HSDL2: variants seen among roughly 807,000 people sequenced by gnomAD.
The protein encoded by HSDL2 is hydroxysteroid dehydrogenase-like protein 2.
Under a neutral mutation model 46.3 loss-of-function variants are expected in HSDL2, and 27 were observed. The ratio of observed to expected loss-of-function variants is 0.58; its 90% CI spans 0.43 to 0.80. The LOEUF is 0.80. HSDL2 is among the 30% of genes least tolerant of loss of function. The pLI is 0.00. For missense variants in HSDL2, 451 were observed against 502.7 expected (o/e 0.90, Z 0.98); for synonymous variants, 153 against 163.6 (o/e 0.94, Z 0.50).
intron 2 of HSDL2, among the ~76,000 whole-genome samples, chr9:112,405,150 G>A (rs1466261985): frequency 1.3e-5 from 2 of 152,116 alleles, no homozygotes; most frequent in African/African-American, 2.4e-5. Context: ...TCAGGAGTGC[G>A]AGACCAGCCT....
At chr9:112,467,329 T>G (rs1287445878) in intron 10 of HSDL2, among the ~76,000 whole-genome samples, 1 of 152,076 alleles carries the variant, frequency 6.6e-6, no homozygotes, top group East Asian at 1.9e-4. Context: ...ATTGTAGAAA[T>G]CCTTTTATAT....
intron 6 of HSDL2, among the ~76,000 whole-genome samples, chr9:112,426,390 T>C (rs1024208149): frequency 6.6e-6 from 1 of 152,088 alleles, no homozygotes; most frequent in East Asian, 1.9e-4. Flanking sequence ...CGCCTTTCAC[T>C]ATGCCTGGCT....
rs1337706908 is a variant in HSDL2, at chr9:112,459,574, T to TC, written c.1142dup (p.Gly382ArgfsTer17). On this transcript the variant is annotated frameshift_variant, in exon 10 of 11. Transcript: ENST00000398805. LOFTEE classifies it high-confidence loss of function. ...TACTGATGACTTTGTAAAAATGTTT[T>TC]CAGGTGAGTTTTCCAGTTTATTAGT... is the stretch of plus-strand genomic sequence containing the variant. 4 of 1,613,238 alleles carry TC rather than the reference T, an allele frequency of 2.5e-6. No homozygotes were observed. In the East Asian group the frequency reaches 8.9e-5, roughly 36 times the overall value.
chr9:112,390,980 A>G (rs1301150658), intron 1 of HSDL2, among the ~76,000 whole-genome samples: 1 of 152,092 alleles, frequency 6.6e-6, no homozygotes, highest in African/African-American at 2.4e-5. Context: ...GTTCAAGACC[A>G]GCCTGGCCAA....
At chr9:112,457,569 C>T (rs893834879) in intron 9 of HSDL2, among the ~76,000 whole-genome samples, 1 of 152,088 alleles carries the variant, frequency 6.6e-6, no homozygotes, top group African/African-American at 2.4e-5. Context: ...AGCTTAAGCC[C>T]AGAAGGTCGA....
chr9:112,461,827 CTTCT>C (rs752993653), intron 10 of HSDL2, among the ~76,000 whole-genome samples: 8 of 152,150 alleles, frequency 5.3e-5, no homozygotes, highest in Admixed American at 6.5e-5. Context: ...AATCAAGTGA[CTTCT>C]TTCTTTAATT....
At chr9:112,400,619 C>CA (rs1564107745) in intron 1 of HSDL2, among the ~76,000 whole-genome samples, 2 of 152,168 alleles carry the variant, frequency 1.3e-5, no homozygotes. Context: ...CAAAACAAAA[C>CA]AAACAGAACC....
intron 1 of HSDL2, among the ~76,000 whole-genome samples, chr9:112,385,762 G>A (rs973325566): frequency 5.3e-5 from 8 of 149,548 alleles, no homozygotes; most frequent in East Asian, 4.0e-4. Flanking sequence ...CAAAGTGCTC[G>A]GATTACAGGC....
At chr9:112,455,184 G>C (rs562433943) in intron 9 of HSDL2, among the ~76,000 whole-genome samples, 9 of 151,786 alleles carry the variant, frequency 5.9e-5, no homozygotes, top group African/African-American at 2.2e-4. Context: ...AGTACACTGC[G>C]ATCGCATCTG....
Position 112,449,491 on chromosome 9 carries a change from T to C in HSDL2, c.866-4522T>C, listed in dbSNP as rs142834737. 6.1e-4 allele frequency among the ~76,000 whole-genome samples: 93 copies of C among 152,362 alleles called. 1 individual carries two copies. The highest frequency in any genetic ancestry group is 2.2e-3 in the African/African-American group (93 of 41,586). On this transcript the variant is annotated intron_variant, in intron 8 of 10. Transcript: ENST00000398805. Reference sequence around the variant, plus strand: ...GCACCAGACTTTAAATTTTATTTCATTTTTAATTCTACAGCTTTTCTCTTT... The same window carrying C: ...GCACCAGACTTTAAATTTTATTTCACTTTTAATTCTACAGCTTTTCTCTTT...
intron 9 of HSDL2, among the ~76,000 whole-genome samples, chr9:112,458,047 C>T (rs1431866256): frequency 6.6e-6 from 1 of 152,184 alleles, no homozygotes; most frequent in African/African-American, 2.4e-5. Flanking sequence ...TGGCTGTGCT[C>T]AGACCTAGAC....
chr9:112,438,138 AG>A (rs1442945125), intron 6 of HSDL2, among the ~76,000 whole-genome samples: 2 of 152,192 alleles, frequency 1.3e-5, no homozygotes, highest in Non-Finnish European at 2.9e-5. Context: ...GCTACTCAGA[AG>A]GCTGGGTTCA....
At chr9:112,443,947 G>A (rs942066389) in intron 8 of HSDL2, among the ~76,000 whole-genome samples, 1 of 152,202 alleles carries the variant, frequency 6.6e-6, no homozygotes, top group Non-Finnish European at 1.5e-5. Flanking sequence ...TGTAAAATCA[G>A]TGTTTACTGG....
At chr9:112,385,683 T>C (rs1479233359) in intron 1 of HSDL2, among the ~76,000 whole-genome samples, 1 of 151,704 alleles carries the variant, frequency 6.6e-6, no homozygotes, top group East Asian at 1.9e-4. Context: ...TTAGTAGAGA[T>C]GGAGTTTCAC....
intron 7 of HSDL2, among the ~76,000 whole-genome samples, chr9:112,439,092 C>G (rs1832589301): frequency 6.6e-6 from 1 of 152,056 alleles, no homozygotes; most frequent in South Asian, 2.1e-4. Flanking sequence ...CCTCTACCTC[C>G]CAGGCTCAAG....
chr9:112,445,842 A>G (rs78117430), intron 8 of HSDL2, among the ~76,000 whole-genome samples: 1 of 144,290 alleles, frequency 6.9e-6, no homozygotes, highest in East Asian at 2.0e-4. Flanking sequence ...ATTTTTTTTT[A>G]TAGCATAAAG....
intron 10 of HSDL2, among the ~76,000 whole-genome samples, chr9:112,461,401 T>C (rs560321331): frequency 6.6e-6 from 1 of 152,180 alleles, no homozygotes; most frequent in African/African-American, 2.4e-5. Context: ...TTTAATAGTT[T>C]AGTGTTTCTT....
chr9:112,381,470 C>T (rs1402699126), intron 1 of HSDL2, among the ~76,000 whole-genome samples: 1 of 152,182 alleles, frequency 6.6e-6, no homozygotes, highest in Non-Finnish European at 1.5e-5. Context: ...TCTCCTGCCT[C>T]AGCCTCCCGA....
rs746347173 is a variant in HSDL2, at chr9:112,416,887, A to G, written c.442A>G (p.Ile148Val). Reference protein sequence around the residue: ...PYLKKSKVAHILNISPPLNLN... With the variant: ...PYLKKSKVAHVLNISPPLNLN... ...TTTGAAAAAGAGCAAAGTTGCTCAT[A>G]TCCTCAATATCAGTCCACCACTGAA... The change falls in exon 5 of 11, where the codon ATC (isoleucine) becomes GTC (valine). Residue 148 changes from isoleucine to valine, a missense_variant. Physicochemically the swap from Ile to Val is conservative, Grantham distance 29. Coordinates refer to ENST00000398805, the MANE Select transcript of HSDL2 (RefSeq NM_032303.5). 51 of 1,606,950 alleles carry G rather than the reference A, an allele frequency of 3.2e-5. No homozygotes were observed. Among genetic ancestry groups the G allele is most frequent in the Non-Finnish European group, 4.3e-5 (51 of 1,173,684 alleles).
Sources: allele counts gnomAD v4.1 joint callset (sites outside exome capture counted in the v4.1 genomes callset), GRCh38; gene constraint gnomAD v4.1.1; transcripts MANE v1.5; gene names NCBI Gene and HGNC (gene_info 2026-07-23, HGNC 2026-07-21).